Variants in ADCY8 observed in about 807,000 individuals in gnomAD.
ADCY8 encodes the protein adenylate cyclase 8.
ADCY8 carries 51 observed loss-of-function variants against 119.7 expected under a neutral mutation model. That is an observed-to-expected ratio of 0.43 (90% CI 0.34 to 0.54). ADCY8 has a LOEUF of 0.54. Among genes scored for constraint, ADCY8 ranks in the 20% least tolerant of loss-of-function variants. The pLI is 0.03. For missense variants in ADCY8, 1,383 were observed against 1,598.8 expected (o/e 0.87, Z 2.30); for synonymous variants, 665 against 651.0 (o/e 1.02, Z -0.33).
intron 1 of ADCY8, among the ~76,000 whole-genome samples, chr8:131,025,838 A>G (rs1178944387): frequency 6.6e-6 from 1 of 152,222 alleles, no homozygotes; most frequent in African/African-American, 2.4e-5. Flanking sequence ...CACTTTTCTC[A>G]ACTAATCATG....
chr8:130,989,505 A>G (rs11988309), intron 2 of ADCY8, among the ~76,000 whole-genome samples: 15,903 of 152,170 alleles, frequency 0.1, 2,690 homozygotes, highest in African/African-American at 0.35. Flanking sequence ...ACTTTAAGAA[A>G]AAGGGCTTAG....
intron 14 of ADCY8, among the ~76,000 whole-genome samples, chr8:130,813,239 G>A (rs911060512): frequency 4.6e-5 from 7 of 152,144 alleles, no homozygotes; most frequent in African/African-American, 1.2e-4. Context: ...GAGCCACTGC[G>A]CCCGGCCATC....
chr8:130,889,486 A>C (rs773655285), intron 7 of ADCY8, among the ~76,000 whole-genome samples: 15 of 152,082 alleles, frequency 9.9e-5, no homozygotes, highest in Non-Finnish European at 1.8e-4. Flanking sequence ...AATTGCCTCT[A>C]TATGTTTCAT....
Position 130,823,898 on chromosome 8 carries a change from T to C in ADCY8, c.2676-2478A>G. Among the ~76,000 whole-genome samples the C allele has an allele frequency of 1.3e-5, 2 of 152,220 alleles. 1 individual carries two copies. Among genetic ancestry groups the C allele is most frequent in the Admixed American group, 1.3e-4 (2 of 15,280 alleles). ...ACTGTTTCGTAAGCTACTTCAGACTTACTAAAAATTATGAAAATAATTTCA... is the reference window on the plus strand; with the variant it reads ...ACTGTTTCGTAAGCTACTTCAGACTCACTAAAAATTATGAAAATAATTTCA... On this transcript the variant is annotated intron_variant, in intron 12 of 17. Coordinates refer to ENST00000286355, the MANE Select transcript of ADCY8 (RefSeq NM_001115.3).
At chr8:130,844,376 ATTTAGAACCAAGTTATAC>A (rs1203472167) in intron 11 of ADCY8, among the ~76,000 whole-genome samples, 15 of 152,160 alleles carry the variant, frequency 9.9e-5, no homozygotes, top group African/African-American at 3.4e-4. Flanking sequence ...CAAGCTTCGA[ATTTAGAACCAAGTTATAC>A]TTTATATCAT....
intron 2 of ADCY8, among the ~76,000 whole-genome samples, chr8:130,969,019 A>G (rs1400565292): frequency 1.3e-5 from 2 of 152,182 alleles, no homozygotes; most frequent in Admixed American, 1.3e-4. Flanking sequence ...AAACACTGCT[A>G]AGCATTGTGT....
chr8:130,795,639 G>A (rs1006296517), intron 15 of ADCY8, among the ~76,000 whole-genome samples: 3 of 152,132 alleles, frequency 2.0e-5, no homozygotes, highest in Non-Finnish European at 2.9e-5. Flanking sequence ...ACAGGCAGAC[G>A]GAGCAGAAGA....
chr8:130,886,273 C>T (rs1818979609), intron 7 of ADCY8, among the ~76,000 whole-genome samples: 1 of 152,002 alleles, frequency 6.6e-6, no homozygotes, highest in Non-Finnish European at 1.5e-5. Context: ...AGTACATGCT[C>T]TTAGGGCACT....
At chr8:131,001,397 G>A (rs1006478766) in intron 1 of ADCY8, among the ~76,000 whole-genome samples, 3 of 151,874 alleles carry the variant, frequency 2.0e-5, no homozygotes, top group Admixed American at 2.0e-4. Flanking sequence ...GCATTCCTCA[G>A]CTCCACCACC....
intron 2 of ADCY8, among the ~76,000 whole-genome samples, chr8:130,952,809 A>G (rs948713413): frequency 1.3e-5 from 2 of 152,200 alleles, no homozygotes; most frequent in African/African-American, 4.8e-5. Context: ...AGGAAAGAAA[A>G]AGGGTGTGCC....
At chr8:130,992,539 C>T (rs184804817) in intron 1 of ADCY8, among the ~76,000 whole-genome samples, 12 of 148,378 alleles carry the variant, frequency 8.1e-5, no homozygotes, top group Non-Finnish European at 1.2e-4. Context: ...CTCAGCCTCC[C>T]GAGTAGCTGG....
chr8:131,000,293 T>A (rs1822902392), intron 1 of ADCY8, among the ~76,000 whole-genome samples: 1 of 152,314 alleles, frequency 6.6e-6, no homozygotes, highest in African/African-American at 2.4e-5. Context: ...GACAGGGGTA[T>A]AATTTAGTAA....
At chr8:130,785,174 G>A (rs1211383429) in intron 16 of ADCY8, among the ~76,000 whole-genome samples, 2 of 152,228 alleles carry the variant, frequency 1.3e-5, no homozygotes, top group African/African-American at 2.4e-5. Flanking sequence ...AAGCCTAGAA[G>A]TTTCTCAAAA....
chr8:130,782,395 G>A (rs1815111167), intron 17 of ADCY8, among the ~76,000 whole-genome samples: 2 of 152,154 alleles, frequency 1.3e-5, no homozygotes, highest in African/African-American at 2.4e-5. Flanking sequence ...AGGAGGAAAC[G>A]GAGACACAGA....
chr8:130,903,223 C>A (rs956574694), intron 7 of ADCY8, among the ~76,000 whole-genome samples: 1 of 152,076 alleles, frequency 6.6e-6, no homozygotes, highest in African/African-American at 2.4e-5. Context: ...CAAATCCATG[C>A]TATATAAAAA....
At chr8:130,783,884 C>G in intron 16 of ADCY8, 79 bp from the exon 17 acceptor site, 2 of 1,119,500 alleles carry the variant, frequency 1.8e-6, no homozygotes, top group Non-Finnish European at 1.3e-6. Context: ...AGGGGCTTTA[C>G]GTCCTAACCC....
chr8:130,804,985 G>A lies in ADCY8; in HGVS notation c.2914-4413C>T, dbSNP rs146690580. ...TGGTCTTGAACTCCTGGCCTCCAGC[G>A]ATCTACCCACCTAGGCCTCCCAAAG... On this transcript the variant is annotated intron_variant, in intron 14 of 17. Coordinates refer to ENST00000286355, the MANE Select transcript of ADCY8 (RefSeq NM_001115.3). Among the ~76,000 whole-genome samples, 3 of 152,218 alleles carry A rather than the reference G, an allele frequency of 2.0e-5. No individual in the cohort carries two copies. In the East Asian group the frequency reaches 5.8e-4, roughly 29 times the overall value.
intron 5 of ADCY8, among the ~76,000 whole-genome samples, chr8:130,917,400 T>A (rs1273945899): frequency 6.6e-6 from 1 of 152,150 alleles, no homozygotes; most frequent in African/African-American, 2.4e-5. Context: ...GGGTGTTAGG[T>A]AATGCCAGAC....
At chr8:130,832,593 A>G (rs1444263113) in intron 12 of ADCY8, among the ~76,000 whole-genome samples, 1 of 152,162 alleles carries the variant, frequency 6.6e-6, no homozygotes, top group African/African-American at 2.4e-5. Flanking sequence ...ATTTCATTCC[A>G]TTGATAGCAA....
Sources: allele counts gnomAD v4.1 joint callset (sites outside exome capture counted in the v4.1 genomes callset), GRCh38; gene constraint gnomAD v4.1.1; transcripts MANE v1.5; gene names NCBI Gene and HGNC (gene_info 2026-07-23, HGNC 2026-07-21).